COMMD10: variants seen among roughly 807,000 people sequenced by gnomAD.
COMMD10 encodes COMM domain-containing protein 10.
In COMMD10, 33 loss-of-function variants were observed where a neutral mutation model predicts 28.9. The ratio of observed to expected loss-of-function variants is 1.14; its 90% CI spans 0.87 to 1.53. The LOEUF is 1.53. Among genes scored for constraint, COMMD10 ranks in the 40% most tolerant of loss-of-function variants. The pLI, the probability that COMMD10 is intolerant of heterozygous loss-of-function variation, is 0.00. For synonymous variants in COMMD10, 110 were observed against 81.7 expected (o/e 1.35, Z -1.87); for missense variants, 310 against 233.4 (o/e 1.33, Z -2.14).
chr5:116,183,877 A>T (rs1197357932), intron 5 of COMMD10, among the ~76,000 whole-genome samples: 1 of 152,126 alleles, frequency 6.6e-6, no homozygotes, highest in Non-Finnish European at 1.5e-5. Context: ...GCTTATTAGA[A>T]ATGAGGTAGG....
chr5:116,090,124 C>T (rs1029193933), intron 2 of COMMD10, among the ~76,000 whole-genome samples: 1 of 97,646 alleles, frequency 1.0e-5, no homozygotes, highest in African/African-American at 4.6e-5. Context: ...TCCTTGGAAT[C>T]CCAAGGGGGA....
intron 5 of COMMD10, among the ~76,000 whole-genome samples, chr5:116,233,183 G>A (rs1237251006): frequency 1.3e-5 from 2 of 152,060 alleles, no homozygotes; most frequent in Non-Finnish European, 2.9e-5. Context: ...AAATAGGTGA[G>A]TACAGTACAA....
chr5:116,257,293 G>A (rs1375319885), intron 5 of COMMD10, among the ~76,000 whole-genome samples: 1 of 151,522 alleles, frequency 6.6e-6, no homozygotes, highest in African/African-American at 2.4e-5. Flanking sequence ...TTTCAGATTA[G>A]GGATGCACAA....
At chr5:116,260,215 T>C (rs1480733894) in intron 5 of COMMD10, among the ~76,000 whole-genome samples, 1 of 151,876 alleles carries the variant, frequency 6.6e-6, no homozygotes, top group African/African-American at 2.4e-5. Context: ...TGGAGACTTA[T>C]CAACATATTA....
intron 5 of COMMD10, among the ~76,000 whole-genome samples, chr5:116,192,558 A>G (rs1000382852): frequency 6.6e-6 from 1 of 152,186 alleles, no homozygotes; most frequent in African/African-American, 2.4e-5. Context: ...TTGAACAATT[A>G]TAAGAAAGAA....
intron 5 of COMMD10, among the ~76,000 whole-genome samples, chr5:116,271,543 C>T (rs1427705666): frequency 6.6e-6 from 1 of 151,602 alleles, no homozygotes; most frequent in Non-Finnish European, 1.5e-5. Flanking sequence ...CATGACCAGA[C>T]TGAGAGCATG....
rs184383090 is a variant in COMMD10, at chr5:116,293,275, T to G, written c.*786T>G. 41 of 340,154 alleles carry G rather than the reference T, an allele frequency of 1.2e-4. No individual in the cohort carries two copies. In the East Asian group the frequency reaches 1.6e-3, roughly 14 times the overall value. The allele number at this position is 340,154 out of a possible 1,614,324, so 21.1% of individuals were successfully genotyped here. A position where few individuals can be genotyped will look rare whatever the true frequency, so the allele number is the denominator to read the frequency against. On this transcript the variant is annotated 3_prime_UTR_variant, in exon 7 of 7. Coordinates refer to ENST00000274458, the MANE Select transcript of COMMD10 (RefSeq NM_016144.4). ...ACGTTGATTTCTGTCAATAAAATTT[T>G]TGTGTCTTAGGATTGGTTGAAGTGT...
intron 5 of COMMD10, among the ~76,000 whole-genome samples, chr5:116,199,767 A>G (rs1044739368): frequency 6.6e-6 from 1 of 152,088 alleles, no homozygotes; most frequent in African/African-American, 2.4e-5. Context: ...TTTCTCCTTC[A>G]GTTTTAAAAT....
chr5:116,128,398 C>T (rs1490605256), intron 4 of COMMD10, among the ~76,000 whole-genome samples: 1 of 151,526 alleles, frequency 6.6e-6, no homozygotes, highest in Admixed American at 6.6e-5. Flanking sequence ...ATATTTAAAC[C>T]TAGGACATTA....
At chr5:116,277,773 C>A (rs914234228) in intron 5 of COMMD10, among the ~76,000 whole-genome samples, 1 of 151,850 alleles carries the variant, frequency 6.6e-6, no homozygotes, top group African/African-American at 2.4e-5. Context: ...TGAAGACTTA[C>A]GTGACAGCAC....
intron 5 of COMMD10, among the ~76,000 whole-genome samples, chr5:116,171,752 C>A (rs960401848): frequency 5.6e-4 from 85 of 152,268 alleles, no homozygotes; most frequent in African/African-American, 1.9e-3. Context: ...ACTGCATGCT[C>A]TCACTCATAA....
chr5:116,285,016 A>G (rs2112712299), intron 5 of COMMD10, among the ~76,000 whole-genome samples: 1 of 151,614 alleles, frequency 6.6e-6, no homozygotes, highest in East Asian at 1.9e-4. Flanking sequence ...ATGACAGGTA[A>G]AAAATGAAGT....
chr5:116,163,511 C>G (rs1308800623), intron 5 of COMMD10, among the ~76,000 whole-genome samples: 4 of 151,324 alleles, frequency 2.6e-5, no homozygotes, highest in Non-Finnish European at 5.9e-5. Context: ...ATCACTTGCA[C>G]CCGGGAAGTA....
At chr5:116,140,488 A>G (rs947160164) in intron 5 of COMMD10, among the ~76,000 whole-genome samples, 17 of 151,906 alleles carry the variant, frequency 1.1e-4, no homozygotes, top group Admixed American at 2.0e-4. Context: ...GAATTTTTGG[A>G]GGAACCTTCA....
Position 116,160,701 on chromosome 5 carries a change from A to G in COMMD10, c.510+26523A>G, listed in dbSNP as rs148513741. Among the ~76,000 whole-genome samples, 290 of 152,302 alleles carry G rather than the reference A, an allele frequency of 1.9e-3. 3 individuals carry two copies. Among genetic ancestry groups the G allele is most frequent in the African/African-American group, 6.6e-3 (274 of 41,562 alleles). On this transcript the variant is annotated intron_variant, in intron 5 of 6. Transcript: ENST00000274458. ...CTTCTTTATTTTTAAAGCCTGTATA[A>G]TTTTCTTGGTCATCAGAACCTTGGC...
intron 5 of COMMD10, among the ~76,000 whole-genome samples, chr5:116,200,853 A>T (rs1186685623): frequency 6.6e-6 from 1 of 152,026 alleles, no homozygotes; most frequent in Non-Finnish European, 1.5e-5. Context: ...AGTTGTTTTA[A>T]ATTCCTGATC....
chr5:116,107,327 A>G (rs1750874030), intron 4 of COMMD10, among the ~76,000 whole-genome samples: 2 of 151,928 alleles, frequency 1.3e-5, no homozygotes, highest in East Asian at 3.9e-4. Flanking sequence ...TCAAACATAG[A>G]TTTGGTCTTT....
chr5:116,208,874 C>T (rs1385936177), intron 5 of COMMD10, among the ~76,000 whole-genome samples: 1 of 152,140 alleles, frequency 6.6e-6, no homozygotes, highest in African/African-American at 2.4e-5. Context: ...ACAGTTACTG[C>T]TGTGTATTTA....
At chr5:116,223,977 G>T (rs761698491) in intron 5 of COMMD10, among the ~76,000 whole-genome samples, 5 of 152,108 alleles carry the variant, frequency 3.3e-5, no homozygotes, top group Non-Finnish European at 7.4e-5. Flanking sequence ...GCATGTGTTT[G>T]GAGCAGCATT....
Sources: allele counts gnomAD v4.1 joint callset (sites outside exome capture counted in the v4.1 genomes callset), GRCh38; gene constraint gnomAD v4.1.1; transcripts MANE v1.5; gene names NCBI Gene and HGNC (gene_info 2026-07-23, HGNC 2026-07-21).